The following CDH4 variants were observed in gnomAD, a reference collection of about 807,000 sequenced individuals.
CDH4 encodes cadherin 4.
CDH4 carries 33 observed loss-of-function variants against 86.0 expected under a neutral mutation model. The ratio of observed to expected loss-of-function variants is 0.38; its 90% CI spans 0.29 to 0.51. CDH4 has a LOEUF of 0.51. CDH4 is among the 20% of genes least tolerant of loss of function. CDH4 has a pLI of 0.86. For synonymous variants in CDH4, 555 were observed against 549.4 expected, an observed-to-expected ratio of 1.01 and a Z score of -0.14; for missense variants, 1,114 against 1,307.4, an observed-to-expected ratio of 0.85 and a Z score of 2.28.
chr20:61,329,581 A>G (rs1383854936), intron 2 of CDH4, among the ~76,000 whole-genome samples: 2 of 152,094 alleles, frequency 1.3e-5, no homozygotes, highest in East Asian at 1.9e-4. Context: ...TCTTTCCAGC[A>G]TAGTTCCCCC....
At chr20:61,731,544 G>A (rs1452931181) in intron 2 of CDH4, among the ~76,000 whole-genome samples, 1 of 152,202 alleles carries the variant, frequency 6.6e-6, no homozygotes, top group African/African-American at 2.4e-5. Context: ...AGGCTTCAGG[G>A]CAGCCTCAGC....
chr20:61,898,619 G>C (rs1049805427), intron 8 of CDH4, among the ~76,000 whole-genome samples: 3 of 149,912 alleles, frequency 2.0e-5, no homozygotes, highest in Non-Finnish European at 4.4e-5. Flanking sequence ...TGCTCACGGA[G>C]GGGGGGTCCC....
At chr20:61,273,915 C>A (rs1178865673) in intron 2 of CDH4, among the ~76,000 whole-genome samples, 2 of 141,616 alleles carry the variant, frequency 1.4e-5, no homozygotes, top group Non-Finnish European at 3.0e-5. Flanking sequence ...TAGGGGAGTA[C>A]CATGTACAGT....
chr20:61,510,813 G>C lies in CDH4; in HGVS notation c.170-232750G>C, dbSNP rs2085774075. Among the ~76,000 whole-genome samples, 1 of 152,030 alleles carries C rather than the reference G, an allele frequency of 6.6e-6. No individual in the cohort carries two copies. The highest frequency in any genetic ancestry group is 2.4e-5 in the African/African-American group (1 of 41,358). ...AAAGAAAGAGGTTTAATTGGCTCAAGGTTCTGCAGACTTTGCAGGATGCCT... is the reference window on the plus strand; with the variant it reads ...AAAGAAAGAGGTTTAATTGGCTCAACGTTCTGCAGACTTTGCAGGATGCCT... On this transcript the variant is annotated intron_variant, in intron 2 of 15. Transcript: ENST00000614565. This position sits in a 1 kb window ranked among gnomAD's most constrained non-coding sequence, Gnocchi z 4.2.
At chr20:61,850,068 A>T (rs1195993757) in intron 5 of CDH4, among the ~76,000 whole-genome samples, 2 of 152,238 alleles carry the variant, frequency 1.3e-5, no homozygotes, top group Non-Finnish European at 2.9e-5. Flanking sequence ...CCAGCCTGTA[A>T]ACATTCAAAC....
chr20:61,602,553 A>G (rs1450835245), intron 2 of CDH4, among the ~76,000 whole-genome samples: 1 of 152,118 alleles, frequency 6.6e-6, no homozygotes, highest in Non-Finnish European at 1.5e-5. Context: ...GAATTTTGCA[A>G]GCCTCATTCT....
intron 4 of CDH4, among the ~76,000 whole-genome samples, chr20:61,786,029 T>A (rs1197157079): frequency 6.6e-6 from 1 of 152,128 alleles, no homozygotes; most frequent in African/African-American, 2.4e-5. Flanking sequence ...AAATCTCCCC[T>A]CTGGTTCACC....
At chr20:61,673,336 A>T (rs1158344156) in intron 2 of CDH4, among the ~76,000 whole-genome samples, 1 of 152,194 alleles carries the variant, frequency 6.6e-6, no homozygotes, top group Non-Finnish European at 1.5e-5. Context: ...GAATCCAAGG[A>T]CAGCTCAGGG....
chr20:61,683,170 G>C (rs1005726688), intron 2 of CDH4, among the ~76,000 whole-genome samples: 1 of 152,164 alleles, frequency 6.6e-6, no homozygotes, highest in African/African-American at 2.4e-5. Flanking sequence ...GTGTGAATGT[G>C]CAGAGTACGG....
rs549077788 is a variant in CDH4, at chr20:61,582,016, G to A, written c.170-161547G>A. On this transcript the variant is annotated intron_variant, in intron 2 of 15. Transcript: ENST00000614565. The surrounding 1 kb of genome is among the most constrained non-coding windows in gnomAD (Gnocchi z 4.2). ...CTCAAGTCTCAGCCATCATGTGGGC[G>A]CCTCCTCAGGGCAGCCTGTGGGAAG... 1.1e-4 allele frequency among the ~76,000 whole-genome samples: 16 copies of A among 152,300 alleles called. No homozygotes were observed. In the East Asian group the frequency reaches 2.1e-3, roughly 20 times the overall value.
chr20:61,830,742 G>A (rs540595321), intron 4 of CDH4, among the ~76,000 whole-genome samples: 2 of 152,370 alleles, frequency 1.3e-5, no homozygotes, highest in East Asian at 3.9e-4. Flanking sequence ...GGCAGGAGCG[G>A]GCGGCGCTGG....
chr20:61,446,305 G>C (rs1441480580), intron 2 of CDH4, among the ~76,000 whole-genome samples: 2 of 152,048 alleles, frequency 1.3e-5, no homozygotes, highest in African/African-American at 4.8e-5. Flanking sequence ...AAATAAGTAG[G>C]GGTGCAAAAA....
At chr20:61,430,001 C>G (rs1262745833) in intron 2 of CDH4, among the ~76,000 whole-genome samples, 3 of 152,200 alleles carry the variant, frequency 2.0e-5, no homozygotes, top group African/African-American at 7.2e-5. Context: ...CCTGGAGATG[C>G]CCTTAAAACA....
Position 61,373,794 on chromosome 20 carries a change from A to G in CDH4, c.169+118857A>G, listed in dbSNP as rs552809929. ...GAATGGGTTGGAAAGTGATTTGAAC[A>G]CATCGAGGGCAACATAAATGCTAAG... On this transcript the variant is annotated intron_variant, in intron 2 of 15. Coordinates refer to ENST00000614565, the MANE Select transcript of CDH4 (RefSeq NM_001794.5). Among the ~76,000 whole-genome samples the G allele has an allele frequency of 2.0e-5, 3 of 152,360 alleles. No individual in the cohort carries two copies. The East Asian group carries it at 5.8e-4, about 29-fold the overall frequency.
chr20:61,372,918 G>A (rs12479463), intron 2 of CDH4, among the ~76,000 whole-genome samples: 11,215 of 152,338 alleles, frequency 0.074, 785 homozygotes, highest in East Asian at 0.36. Context: ...AGCAGCAGGC[G>A]TGGACACGCA....
rs530906858 is a variant in CDH4, at chr20:61,669,038, G to A, written c.170-74525G>A. Among the ~76,000 whole-genome samples the A allele has an allele frequency of 2.3e-3, 353 of 152,296 alleles. 1 individual carries two copies. The highest frequency in any genetic ancestry group is 0.022 in the South Asian group (104 of 4,818). On this transcript the variant is annotated intron_variant, in intron 2 of 15. Coordinates refer to ENST00000614565, the MANE Select transcript of CDH4 (RefSeq NM_001794.5). ...AAGCTCAGGGCTGCGGCAGGCCGGC[G>A]GCAGGTCAGGTCCTTCCTTCACCCT...
In CDH4 at chr20:61,510,354, G is replaced by A. The variant is rs895471147; in HGVS notation, c.170-233209G>A. Among the ~76,000 whole-genome samples the A allele has an allele frequency of 2.0e-5, 3 of 152,166 alleles. No individual in the cohort carries two copies. The highest frequency in any genetic ancestry group is 2.1e-4 in the South Asian group (1 of 4,832). ...GATTGTGATGTAAGGCACAAGGCCC[G>A]ACTCTGGAGATGTCTGGTGCATGGG... On this transcript the variant is annotated intron_variant, in intron 2 of 15. Coordinates refer to ENST00000614565, the MANE Select transcript of CDH4 (RefSeq NM_001794.5). The surrounding 1 kb of genome is among the most constrained non-coding windows in gnomAD (Gnocchi z 4.2).
At chr20:61,381,890 C>T (rs964661505) in intron 2 of CDH4, among the ~76,000 whole-genome samples, 6 of 151,852 alleles carry the variant, frequency 4.0e-5, no homozygotes, top group Admixed American at 1.3e-4. Context: ...GCCTGGCCAA[C>T]ATGGTGAAAC....
chr20:61,720,082 T>C (rs1307777040), intron 2 of CDH4, among the ~76,000 whole-genome samples: 1 of 151,716 alleles, frequency 6.6e-6, no homozygotes, highest in Admixed American at 6.6e-5. Flanking sequence ...CAGTCGGCGG[T>C]GGGGGTTGGG....
Sources: allele counts gnomAD v4.1 joint callset (sites outside exome capture counted in the v4.1 genomes callset), GRCh38; gene constraint gnomAD v4.1.1; non-coding constraint Gnocchi (gnomAD v3.1); transcripts MANE v1.5; gene names NCBI Gene and HGNC (gene_info 2026-07-23, HGNC 2026-07-21).